The following SIK2 variants were observed in gnomAD, a reference collection of about 807,000 sequenced individuals.
The protein encoded by SIK2 is salt inducible kinase 2, also known as serine/threonine-protein kinase SIK2.
Under a neutral mutation model 103.2 loss-of-function variants are expected in SIK2, and 29 were observed. The ratio of observed to expected loss-of-function variants is 0.28; its 90% CI spans 0.21 to 0.38. The LOEUF (loss-of-function observed/expected upper bound fraction) is 0.38, where lower values mean the gene tolerates loss of function less well. Among genes scored for constraint, SIK2 ranks in the 10% least tolerant of loss-of-function variants. The pLI, the probability that SIK2 is intolerant of heterozygous loss-of-function variation, is 1.00. For synonymous variants in SIK2, 412 were observed against 446.1 expected, an observed-to-expected ratio of 0.92 and a Z score of 0.96; for missense variants, 879 against 1,171.0, an observed-to-expected ratio of 0.75 and a Z score of 3.64.
rs57174726 is a variant in SIK2 at position 111,660,839 on chromosome 11, C to CTT, written c.317-27138_317-27137dup. ...TTTAATATCCAAGCTGTGAAGTTGG[C>CTT]TTTTTTTTTTTTTTTTTTTTTTTTT... is the stretch of plus-strand genomic sequence containing the variant. On this transcript the variant is annotated intron_variant, in intron 3 of 14. Coordinates refer to ENST00000304987, the MANE Select transcript of SIK2 (RefSeq NM_015191.3). Among the ~76,000 whole-genome samples, 222 of 90,404 alleles carry CTT rather than the reference C, an allele frequency of 2.5e-3. 2 individuals carry two copies. The highest frequency in any genetic ancestry group is 0.018 in the South Asian group (36 of 2,038). 59.3% of individuals were successfully genotyped at this position (90,404 alleles called of 152,430 possible). A position where few individuals can be genotyped will look rare whatever the true frequency, so the allele number is the denominator to read the frequency against.
rs1047147256 is a variant in SIK2, at chr11:111,726,854, C to A, written c.*2725C>A. The A allele has an allele frequency of 1.1e-6, 1 of 922,550 alleles. No homozygotes were observed. Among genetic ancestry groups the A allele is most frequent in the Admixed American group, 2.1e-5 (1 of 47,704 alleles). The allele number at this position is 922,550 out of a possible 1,614,324, so 57.1% of individuals were successfully genotyped here. ...CAGCTTCATCACCCTGTAAACCAGG[C>A]TCCTCTGAAGAGACTTTGGTGAGAT... On this transcript the variant is annotated 3_prime_UTR_variant, in exon 15 of 15. Coordinates refer to ENST00000304987, the MANE Select transcript of SIK2 (RefSeq NM_015191.3).
In SIK2 at chr11:111,728,674, A is replaced by G. The variant is rs1179166683; in HGVS notation, c.*4545A>G. 1 of 151,198 alleles carries G rather than the reference A, an allele frequency of 6.6e-6. No individual in the cohort carries two copies. The highest frequency in any genetic ancestry group is 1.5e-5 in the Non-Finnish European group (1 of 67,928). The allele number at this position is 151,198 out of a possible 1,614,324, so 9.4% of individuals were successfully genotyped here. A position where few individuals can be genotyped will look rare whatever the true frequency, so the allele number is the denominator to read the frequency against. ...CCGGGCGCGGTGGCTCACGCCTGTA[A>G]TCCCAACACTTTGGGAGGCCAAGGC... On this transcript the variant is annotated 3_prime_UTR_variant, in exon 15 of 15. Transcript: ENST00000304987.
rs531654266 is a variant in SIK2, at chr11:111,648,328, G to A, written c.316+27926G>A. ...CAGAAATTTATTTCTCGCAGTTCTG[G>A]AGGCTTGGAAATCCTAGATCAAGGT... On this transcript the variant is annotated intron_variant, in intron 3 of 14. Transcript: ENST00000304987. 2.6e-5 allele frequency among the ~76,000 whole-genome samples: 4 copies of A among 152,124 alleles called. No individual in the cohort carries two copies. In the South Asian group the frequency reaches 8.3e-4, roughly 32 times the overall value.
Position 111,721,820 on chromosome 11 carries a change from T to C in SIK2, c.1945-10T>C, listed in dbSNP as rs1943810518. 6.3e-7 allele frequency: 1 copy of C among 1,599,500 alleles called. No individual in the cohort carries two copies. The highest frequency in any genetic ancestry group is 8.5e-7 in the Non-Finnish European group (1 of 1,173,520). On this transcript the variant is annotated splice_polypyrimidine_tract_variant and intron_variant, in intron 12 of 14. Transcript: ENST00000304987. ...GAATTGAAAATTGTTTCCACCCCCT[T>C]GCTCCTCAGGAAGAAGTTTCTCAGC...
chr11:111,721,919 G>T lies in SIK2; in HGVS notation c.2034G>T (p.Gln678His), dbSNP rs1318724034. ...CCCCACGGCAGAGCCTGGAGACCCA[G>T]TACCTGCAGCACAGACTCCAGGTGG... ...QLSPRQSLET[Q>H]YLQHRLQKPS... The change falls in exon 13 of 15, where the codon CAG (glutamine) becomes CAT (histidine). Residue 678 changes from glutamine to histidine, a missense_variant. By Grantham distance (24) the Gln-to-His change is conservative. Coordinates refer to ENST00000304987, the MANE Select transcript of SIK2 (RefSeq NM_015191.3). 1 of 1,610,134 alleles carries T rather than the reference G, an allele frequency of 6.2e-7. No individual in the cohort carries two copies.
chr11:111,716,860 A>G (rs1482896688), intron 9 of SIK2, among the ~76,000 whole-genome samples: 1 of 152,210 alleles, frequency 6.6e-6, no homozygotes, highest in Admixed American at 6.5e-5. Context: ...ACAGAATGAG[A>G]GAACATTTTT....
intron 8 of SIK2, among the ~76,000 whole-genome samples, chr11:111,709,876 A>G (rs117073376): frequency 4.4e-4 from 67 of 152,332 alleles, no homozygotes; most frequent in Non-Finnish European, 7.6e-4. Flanking sequence ...GTCAAGGACT[A>G]TGTGCTACGC....
chr11:111,693,192 C>T (rs1332083111), intron 4 of SIK2, among the ~76,000 whole-genome samples: 4 of 152,034 alleles, frequency 2.6e-5, no homozygotes, highest in Non-Finnish European at 4.4e-5. Flanking sequence ...ATTAGCTGGG[C>T]ATGGTGGTGC....
chr11:111,634,775 T>C (rs953204254), intron 3 of SIK2, among the ~76,000 whole-genome samples: 26 of 152,358 alleles, frequency 1.7e-4, no homozygotes, highest in African/African-American at 5.3e-4. Flanking sequence ...CCCGTCTTCC[T>C]TTCCAATCAC....
Position 111,684,292 on chromosome 11 carries a change from G to A in SIK2, c.317-3709G>A, listed in dbSNP as rs563702097. Among the ~76,000 whole-genome samples the A allele has an allele frequency of 8.2e-4, 125 of 152,118 alleles. 1 individual carries two copies. Among genetic ancestry groups the A allele is most frequent in the African/African-American group, 2.9e-3 (122 of 41,500 alleles). On this transcript the variant is annotated intron_variant, in intron 3 of 14. Transcript: ENST00000304987. ...CTATAGATTCCATTGTGCTTCCTAG[G>A]ACTCATTTTGTAGTCAGTAGTTTGG...
chr11:111,603,912 A>G (rs1384156665), intron 1 of SIK2, among the ~76,000 whole-genome samples: 1 of 152,228 alleles, frequency 6.6e-6, no homozygotes, highest in Non-Finnish European at 1.5e-5. Flanking sequence ...GCACTTGCAA[A>G]CGTGAGTGAT....
At chr11:111,637,771 T>G (rs1942129556) in intron 3 of SIK2, among the ~76,000 whole-genome samples, 1 of 152,208 alleles carries the variant, frequency 6.6e-6, no homozygotes, top group Admixed American at 6.5e-5. Context: ...CTATAATATC[T>G]TTATTAAATC....
At position 111,728,768 on chromosome 11, in the gene SIK2, C is replaced by CA. The variant is rs1360406955; in HGVS notation, c.*4645dup. ...TGAAACGCCGTCTCTACTAAAAATA[C>CA]AAAAAATTAGCCGGGCGTGGTGGTG... On this transcript the variant is annotated 3_prime_UTR_variant, in exon 15 of 15. Transcript: ENST00000304987. 2.6e-5 allele frequency: 4 copies of CA among 151,950 alleles called. No individual in the cohort carries two copies. The highest frequency in any genetic ancestry group is 1.3e-4 in the Admixed American group (2 of 15,270). The allele number at this position is 151,950 out of a possible 1,614,324, so 9.4% of individuals were successfully genotyped here.
At chr11:111,692,471 G>A (rs1396137123) in intron 4 of SIK2, among the ~76,000 whole-genome samples, 3 of 151,002 alleles carry the variant, frequency 2.0e-5, no homozygotes, top group Non-Finnish European at 4.4e-5. Context: ...CACATGCAAA[G>A]GCTGAGAGGC....
chr11:111,694,568 G>C (rs1191278083), intron 4 of SIK2, among the ~76,000 whole-genome samples: 3 of 152,066 alleles, frequency 2.0e-5, no homozygotes, highest in Non-Finnish European at 4.4e-5. Flanking sequence ...AAGGGTAGGA[G>C]AGGCAAAGAT....
intron 2 of SIK2, among the ~76,000 whole-genome samples, chr11:111,619,936 C>T (rs937763290): frequency 6.6e-6 from 1 of 152,096 alleles, no homozygotes; most frequent in East Asian, 1.9e-4. Context: ...GGACTAGAAA[C>T]GTCAGTGAGG....
At chr11:111,683,777 A>G (rs1046573387) in intron 3 of SIK2, among the ~76,000 whole-genome samples, 2 of 152,220 alleles carry the variant, frequency 1.3e-5, no homozygotes, top group Admixed American at 6.5e-5. Flanking sequence ...AATGTGAAAC[A>G]TAAATGTGCT....
chr11:111,694,407 C>T (rs1252957301), intron 4 of SIK2, among the ~76,000 whole-genome samples: 3 of 152,166 alleles, frequency 2.0e-5, no homozygotes, highest in South Asian at 4.2e-4. Context: ...CTGTACATCA[C>T]GAGTCACTTG....
chr11:111,697,254 G>A (rs1449273725), intron 4 of SIK2, among the ~76,000 whole-genome samples: 2 of 152,162 alleles, frequency 1.3e-5, no homozygotes, highest in Non-Finnish European at 2.9e-5. Flanking sequence ...TCTTCAGAGA[G>A]TTTAAATCAG....
Sources: gnomAD v4.1 joint callset for allele counts (sites outside exome capture counted in the v4.1 genomes callset) on GRCh38, gnomAD v4.1.1 for gene constraint, MANE v1.5 for transcripts, NCBI Gene and HGNC (gene_info 2026-07-23, HGNC 2026-07-21) for gene names.